RUFY1: variants seen among roughly 807,000 people sequenced by gnomAD.
RUFY1 encodes RUN and FYVE domain-containing protein 1.
In RUFY1, 54 loss-of-function variants were observed where a neutral mutation model predicts 94.6. The observed-to-expected ratio is 0.57, with a 90% confidence interval of 0.46 to 0.72. RUFY1 has a LOEUF of 0.72. RUFY1 is among the 30% of genes least tolerant of loss of function. The pLI, the probability that RUFY1 is intolerant of heterozygous loss-of-function variation, is 0.00. For missense variants in RUFY1, 883 were observed against 883.9 expected, an observed-to-expected ratio of 1.00 and a Z score of 0.01; for synonymous variants, 396 against 347.3, an observed-to-expected ratio of 1.14 and a Z score of -1.56.
chr5:179,607,688 G>C, intron 17 of RUFY1, 29 bp downstream of exon 17: 1 of 1,589,402 alleles, frequency 6.3e-7, no homozygotes, highest in Non-Finnish European at 8.6e-7. Flanking sequence ...CACCCTCCCA[G>C]TGCCCTGAGT....
intron 7 of RUFY1, among the ~76,000 whole-genome samples, chr5:179,583,193 T>C (rs1764296111): frequency 6.6e-6 from 1 of 150,532 alleles, no homozygotes; most frequent in Non-Finnish European, 1.5e-5. Flanking sequence ...TCCCAGCTGC[T>C]CGAGGCTGAG....
chr5:179,582,507 G>A (rs893965194), intron 7 of RUFY1, among the ~76,000 whole-genome samples: 33 of 152,306 alleles, frequency 2.2e-4, no homozygotes, highest in Admixed American at 2.0e-3. Context: ...TTATAGGCAT[G>A]AGCCACCTCG....
intron 5 of RUFY1, among the ~76,000 whole-genome samples, chr5:179,573,062 T>C (rs1209003972): frequency 1.3e-5 from 2 of 152,240 alleles, no homozygotes; most frequent in Non-Finnish European, 2.9e-5. Context: ...ATGTGAAATA[T>C]CCATAATATG....
intron 3 of RUFY1, among the ~76,000 whole-genome samples, chr5:179,565,896 C>T (rs1762794932): frequency 6.6e-6 from 1 of 152,090 alleles, no homozygotes; most frequent in South Asian, 2.1e-4. Context: ...AATCCCAACA[C>T]TTTGAGAGGC....
chr5:179,579,657 C>CTTTTTCTTTTTTTTTTTTTT (rs1554118792), intron 6 of RUFY1, among the ~76,000 whole-genome samples: 12 of 50,548 alleles, frequency 2.4e-4, no homozygotes, highest in Admixed American at 3.8e-4. Context: ...TTTTCTTCTT[C>CTTTTTCTTTTTTTTTTTTTT]TTTTTTTTTT....
intron 17 of RUFY1, 90 bp from the exon 18 acceptor site, chr5:179,609,286 A>G: frequency 7.2e-7 from 1 of 1,390,112 alleles, no homozygotes; most frequent in Non-Finnish European, 9.9e-7. Flanking sequence ...CATTCCCAGC[A>G]AATGATGCGC....
chr5:179,566,328 C>T lies in RUFY1; in HGVS notation c.603-1133C>T, dbSNP rs139431875. ...CTAGAATACAGAAAAATTACACCTT[C>T]AAGATTGGGGCCAGGCCTGTAATCC... On this transcript the variant is annotated intron_variant, in intron 3 of 17. Coordinates refer to ENST00000319449, the MANE Select transcript of RUFY1 (RefSeq NM_025158.5). Among the ~76,000 whole-genome samples the T allele has an allele frequency of 3.4e-3, 517 of 151,994 alleles. 1 individual carries two copies. Among genetic ancestry groups the T allele is most frequent in the Non-Finnish European group, 5.7e-3 (386 of 67,962 alleles).
At chr5:179,581,564 AC>A (rs1764165103) in intron 7 of RUFY1, among the ~76,000 whole-genome samples, 1 of 151,214 alleles carries the variant, frequency 6.6e-6, no homozygotes, top group African/African-American at 2.4e-5. Context: ...TCTAGAGAGT[AC>A]ATTGCACATT....
At chr5:179,591,022 CAG>C (rs1211149831) in intron 9 of RUFY1, 1 of 151,770 alleles carries the variant, frequency 6.6e-6, no homozygotes, top group Non-Finnish European at 1.5e-5. Flanking sequence ...TTAGTAGAGA[CAG>C]GGTTTCACCA....
chr5:179,591,025 G>C (rs1249507441), intron 9 of RUFY1: 1 of 151,304 alleles, frequency 6.6e-6, no homozygotes, highest in African/African-American at 2.4e-5. Flanking sequence ...GTAGAGACAG[G>C]GTTTCACCAT....
At chr5:179,581,077 A>G in intron 7 of RUFY1, 65 bp downstream of exon 7, 1 of 981,972 alleles carries the variant, frequency 1.0e-6, no homozygotes, top group South Asian at 1.4e-5. Context: ...GCTTCATGGA[A>G]CTTCGAGTTG....
At chr5:179,554,876 G>C (rs775951930) in intron 1 of RUFY1, among the ~76,000 whole-genome samples, 11 of 151,964 alleles carry the variant, frequency 7.2e-5, no homozygotes, top group Non-Finnish European at 1.6e-4. Flanking sequence ...GCTGAGGCAG[G>C]AAAATTGCTT....
rs1554125883 is a variant in RUFY1, at chr5:179,605,859, C to G, written c.1857-17C>G. On this transcript the variant is annotated splice_polypyrimidine_tract_variant and intron_variant, in intron 15 of 17. Transcript: ENST00000319449. ...CTCTCTCTCACTGCTATGAAATGGCCTTTTTTTTTTCCTTAGGTCCAAGCT... is the reference window on the plus strand; with the variant it reads ...CTCTCTCTCACTGCTATGAAATGGCGTTTTTTTTTTCCTTAGGTCCAAGCT... The G allele has an allele frequency of 2.2e-6, 3 of 1,392,116 alleles. No homozygotes were observed. The highest frequency in any genetic ancestry group is 3.0e-6 in the Non-Finnish European group (3 of 1,011,456). 86.2% of individuals were successfully genotyped at this position (1,392,116 alleles called of 1,614,324 possible). A position where few individuals can be genotyped will look rare whatever the true frequency, so the allele number is the denominator to read the frequency against.
At chr5:179,596,989 G>A (rs62397281) in intron 13 of RUFY1, 18,552 of 336,390 alleles carry the variant, frequency 0.055, 686 homozygotes, top group Non-Finnish European at 0.075. Context: ...TGTCAGTGTT[G>A]AACAGAAAGT....
intron 5 of RUFY1, among the ~76,000 whole-genome samples, chr5:179,573,026 C>T (rs930255222): frequency 6.6e-6 from 1 of 152,126 alleles, no homozygotes; most frequent in Non-Finnish European, 1.5e-5. Context: ...ATTTTTTCTA[C>T]TAATTTGAAA....
Position 179,560,151 on chromosome 5 carries a change from A to G in RUFY1, c.437A>G (p.Gln146Arg), listed in dbSNP as rs1367036959. Residue 146 changes from glutamine to arginine, a missense_variant, in exon 2 of 18, where the codon CAG becomes CGG. Transcript: ENST00000319449. ...RSLDADHAPL[Q>R]QFFVVMEHCL... ...CTGGATGCGGACCATGCCCCCTTGC[A>G]GCAGTTCTTTGTAGTGATGGAGCAC... The G allele has an allele frequency of 2.5e-6, 4 of 1,613,982 alleles. No individual in the cohort carries two copies. The African/African-American group carries it at 4.0e-5, about 16-fold the overall frequency.
intron 14 of RUFY1, among the ~76,000 whole-genome samples, chr5:179,600,731 C>G (rs1255642272): frequency 4.0e-5 from 4 of 101,018 alleles, no homozygotes; most frequent in East Asian, 6.9e-4. Context: ...GAGTCTTGCT[C>G]TGTTGCCCAG....
rs71591429 is a variant in RUFY1, at chr5:179,580,206, CGTGT to C, written c.891-708_891-705del. Among the ~76,000 whole-genome samples the C allele has an allele frequency of 5.5e-3, 706 of 127,580 alleles. 9 individuals carry two copies. Among genetic ancestry groups the C allele is most frequent in the African/African-American group, 0.018 (638 of 34,700 alleles). 83.7% of individuals were successfully genotyped at this position (127,580 alleles called of 152,430 possible). On this transcript the variant is annotated intron_variant, in intron 6 of 17. Transcript: ENST00000319449. The stretch of plus-strand genomic sequence containing the variant: ...TTTTTGTAAACAAATCAAAAAATTC[CGTGT>C]GTGTGTGTGTGTGTGTGTGTGTGTG...
intron 15 of RUFY1, among the ~76,000 whole-genome samples, chr5:179,605,468 A>AGCAGG: frequency 6.6e-6 from 1 of 152,228 alleles, no homozygotes; most frequent in East Asian, 1.9e-4. Flanking sequence ...CCCCTTCCAG[A>AGCAGG]CAGCAGGCAG....
Sources: allele counts gnomAD v4.1 joint callset (sites outside exome capture counted in the v4.1 genomes callset), GRCh38; gene constraint gnomAD v4.1.1; transcripts MANE v1.5; gene names NCBI Gene and HGNC (gene_info 2026-07-23, HGNC 2026-07-21).